The following COG5 variants were observed in gnomAD, a reference collection of about 807,000 sequenced individuals.
The protein encoded by COG5 is conserved oligomeric Golgi complex subunit 5.
A neutral mutation model predicts 110.4 loss-of-function variants in COG5; 86 were observed. The observed-to-expected ratio is 0.78, with a 90% CI of 0.65 to 0.93. COG5 has a LOEUF of 0.93. COG5 is among the 40% of genes least tolerant of loss of function. The pLI is 0.00. For missense variants in COG5, 1,077 were observed against 987.0 expected (o/e 1.09, Z -1.22); for synonymous variants, 360 against 334.6 (o/e 1.08, Z -0.83).
chr7:107,357,828 C>G (rs1812765208), intron 10 of COG5, among the ~76,000 whole-genome samples: 1 of 152,146 alleles, frequency 6.6e-6, no homozygotes, highest in African/African-American at 2.4e-5. Context: ...ACTACCATTC[C>G]TGGCTAATTG....
intron 14 of COG5, among the ~76,000 whole-genome samples, chr7:107,271,678 T>C (rs374552370): frequency 6.6e-6 from 1 of 152,176 alleles, no homozygotes; most frequent in East Asian, 1.9e-4. Context: ...AAATCATAAT[T>C]CTAGAATATG....
chr7:107,513,840 C>A (rs6945488), intron 6 of COG5, among the ~76,000 whole-genome samples: 1 of 151,062 alleles, frequency 6.6e-6, no homozygotes, highest in Non-Finnish European at 1.5e-5. Context: ...TAGGTGGGAA[C>A]TGAACAATGA....
intron 6 of COG5, among the ~76,000 whole-genome samples, chr7:107,522,409 G>A (rs199904453): frequency 3.3e-5 from 5 of 152,048 alleles, no homozygotes; most frequent in African/African-American, 4.8e-5. Flanking sequence ...CGGAGGTTGC[G>A]GTGAGCGGAG....
intron 12 of COG5, among the ~76,000 whole-genome samples, chr7:107,284,538 A>G (rs553060895): frequency 6.6e-6 from 1 of 152,164 alleles, no homozygotes; most frequent in Admixed American, 6.5e-5. Context: ...TTGTGTTACT[A>G]ACAAGAGTGA....
chr7:107,451,299 G>A lies in COG5; in HGVS notation c.539-38667C>T, dbSNP rs1172221678. On this transcript the variant is annotated intron_variant, in intron 6 of 21. Coordinates refer to ENST00000297135, the MANE Select transcript of COG5 (RefSeq NM_006348.5). ...GTTTCAGGAGTGTTTCCAAACCAGT[G>A]CCAGAAGATAAGGAAGAAGATGTAG... Among the ~76,000 whole-genome samples the A allele has an allele frequency of 3.9e-5, 6 of 152,260 alleles. No individual in the cohort carries two copies. In the East Asian group the frequency reaches 1.2e-3, roughly 29 times the overall value.
At chr7:107,339,844 C>T (rs769380006) in intron 10 of COG5, among the ~76,000 whole-genome samples, 1 of 151,896 alleles carries the variant, frequency 6.6e-6, no homozygotes, top group African/African-American at 2.4e-5. Flanking sequence ...ATACCGAAAT[C>T]TCTGTGATGC....
intron 17 of COG5, 96 bp from the exon 18 acceptor site, chr7:107,236,783 C>T: frequency 2.4e-6 from 2 of 834,162 alleles, no homozygotes; most frequent in Admixed American, 3.4e-5. Context: ...TATTTCAATC[C>T]TTTGTAATGT....
intron 14 of COG5, among the ~76,000 whole-genome samples, chr7:107,270,785 T>C (rs1211870012): frequency 6.6e-6 from 1 of 151,998 alleles, no homozygotes; most frequent in African/African-American, 2.4e-5. Context: ...TGAATTTGAA[T>C]ATACTGTGAC....
chr7:107,420,651 T>C (rs532678242), intron 6 of COG5, among the ~76,000 whole-genome samples: 5 of 152,206 alleles, frequency 3.3e-5, no homozygotes, highest in South Asian at 2.1e-4. Context: ...TTAATAGATA[T>C]GGGGTTTCAC....
intron 12 of COG5, among the ~76,000 whole-genome samples, chr7:107,290,812 T>C (rs1806102694): frequency 6.6e-6 from 1 of 151,708 alleles, no homozygotes; most frequent in Non-Finnish European, 1.5e-5. Context: ...TATAGTTGTA[T>C]TTGGGAAGGG....
intron 6 of COG5, among the ~76,000 whole-genome samples, chr7:107,440,684 A>G (rs1374547274): frequency 1.3e-5 from 2 of 152,248 alleles, no homozygotes; most frequent in South Asian, 2.1e-4. Flanking sequence ...ACCAATGGCT[A>G]ATGATTTAAT....
At chr7:107,225,096 A>C (rs891470666) in intron 19 of COG5, among the ~76,000 whole-genome samples, 1 of 152,002 alleles carries the variant, frequency 6.6e-6, no homozygotes, top group Non-Finnish European at 1.5e-5. Flanking sequence ...CTGGACTCAA[A>C]CTCCAGCTGG....
intron 10 of COG5, among the ~76,000 whole-genome samples, chr7:107,340,890 G>A (rs980515122): frequency 1.3e-5 from 2 of 151,884 alleles, no homozygotes; most frequent in Non-Finnish European, 2.9e-5. Context: ...AAAACAATAA[G>A]AGCCATCTAT....
intron 5 of COG5, among the ~76,000 whole-genome samples, chr7:107,529,305 G>A (rs544888508): frequency 2.2e-4 from 33 of 152,270 alleles, no homozygotes; most frequent in African/African-American, 7.0e-4. Flanking sequence ...TAGGAACGTC[G>A]GTTGATGATT....
intron 19 of COG5, among the ~76,000 whole-genome samples, chr7:107,229,169 G>A (rs567526324): frequency 3.3e-5 from 5 of 152,014 alleles, no homozygotes; most frequent in South Asian, 4.2e-4. Flanking sequence ...TATCTTCTTC[G>A]GCTAGGCGCA....
chr7:107,282,054 A>G (rs1805214104), intron 13 of COG5, among the ~76,000 whole-genome samples: 1 of 151,982 alleles, frequency 6.6e-6, no homozygotes, highest in African/African-American at 2.4e-5. Flanking sequence ...AAAGAACACT[A>G]GAAATTAAAA....
chr7:107,427,909 G>A (rs1793758133), intron 6 of COG5, among the ~76,000 whole-genome samples: 1 of 152,124 alleles, frequency 6.6e-6, no homozygotes, highest in African/African-American at 2.4e-5. Context: ...GGATATGAGG[G>A]TGGTCCCCCA....
chr7:107,562,120 A>C lies in COG5; in HGVS notation c.94+1683T>G, dbSNP rs897470068. Among the ~76,000 whole-genome samples the C allele has an allele frequency of 2.0e-5, 3 of 152,356 alleles. No individual in the cohort carries two copies. In the Middle Eastern group the frequency reaches 0.01, roughly 518 times the overall value. On this transcript the variant is annotated intron_variant, in intron 1 of 21. Coordinates refer to ENST00000297135, the MANE Select transcript of COG5 (RefSeq NM_006348.5). ...GATGGGCAAGAAATGGAGAAAGTTC[A>C]CATCTGATGGATCCTCTTTTTCTCC...
Position 107,208,071 on chromosome 7 carries a change from A to AC in COG5, c.2375+2454dup, listed in dbSNP as rs1798903537. ...TCCAGTGATGCTTCAGTATGCAAGA[A>AC]CAAAATTGTTTTGCAATAATACATA... On this transcript the variant is annotated intron_variant, in intron 21 of 21. Transcript: ENST00000297135. 4.1e-6 allele frequency: 4 copies of AC among 985,456 alleles called. No individual in the cohort carries two copies. In the East Asian group the frequency reaches 4.5e-4, roughly 112 times the overall value. 61.0% of individuals were successfully genotyped at this position (985,456 alleles called of 1,614,324 possible).
Sources: gnomAD v4.1 joint callset for allele counts (sites outside exome capture counted in the v4.1 genomes callset) on GRCh38, gnomAD v4.1.1 for gene constraint, MANE v1.5 for transcripts, NCBI Gene and HGNC (gene_info 2026-07-23, HGNC 2026-07-21) for gene names.